NRXN3: variants seen among roughly 807,000 people sequenced by gnomAD.
The protein encoded by NRXN3 is neurexin III.
Under a neutral mutation model 137.6 loss-of-function variants are expected in NRXN3, and 32 were observed. The ratio of observed to expected loss-of-function variants is 0.23; its 90% CI spans 0.18 to 0.31. The LOEUF (loss-of-function observed/expected upper bound fraction) is 0.31. Among genes scored for constraint, NRXN3 ranks in the 10% least tolerant of loss-of-function variants. NRXN3 has a pLI of 1.00. For synonymous variants in NRXN3, 798 were observed against 784.5 expected (o/e 1.02, Z -0.29); for missense variants, 1,574 against 2,062.5 (o/e 0.76, Z 4.59).
chr14:79,767,897 G>A lies in NRXN3; in HGVS notation c.4015-37215G>A, dbSNP rs138479046. Among the ~76,000 whole-genome samples, 292 of 152,274 alleles carry A rather than the reference G, an allele frequency of 1.9e-3. 2 individuals are homozygous for A. Among genetic ancestry groups the A allele is most frequent in the African/African-American group, 6.6e-3 (276 of 41,562 alleles). ...CACTAGGGAGTGCAAGACAGTGGGC[G>A]CAGGTCACTGGGTGCATGCACCGTG... On this transcript the variant is annotated intron_variant, in intron 19 of 20. Coordinates refer to ENST00000335750, the MANE Select transcript of NRXN3 (RefSeq NM_001330195.2).
chr14:78,770,443 A>G (rs2098723466), intron 8 of NRXN3, among the ~76,000 whole-genome samples: 1 of 152,178 alleles, frequency 6.6e-6, no homozygotes, highest in African/African-American at 2.4e-5. Flanking sequence ...AATGGTGTCC[A>G]CTGGAGGGAA....
chr14:79,360,733 T>G (rs750991134), intron 15 of NRXN3, among the ~76,000 whole-genome samples: 6 of 152,182 alleles, frequency 3.9e-5, no homozygotes, highest in Non-Finnish European at 8.8e-5. Flanking sequence ...TAGGTAAACA[T>G]AGGAGGCAAG....
At chr14:78,724,956 T>G (rs1053064409) in intron 8 of NRXN3, among the ~76,000 whole-genome samples, 2 of 152,210 alleles carry the variant, frequency 1.3e-5, no homozygotes, top group Non-Finnish European at 2.9e-5. Context: ...TGTGGGCTAC[T>G]GGACAGCTAT....
chr14:78,740,082 T>G (rs2098557751), intron 8 of NRXN3, among the ~76,000 whole-genome samples: 1 of 152,168 alleles, frequency 6.6e-6, no homozygotes, highest in African/African-American at 2.4e-5. Context: ...TATGCCAATA[T>G]TAATAATTTT....
intron 15 of NRXN3, among the ~76,000 whole-genome samples, chr14:79,086,913 G>A (rs887279462): frequency 7.2e-5 from 11 of 152,172 alleles, no homozygotes; most frequent in African/African-American, 2.4e-4. Context: ...ATTGGTAAAA[G>A]AAGCAGTTCT....
chr14:78,372,219 A>G (rs2086969777), intron 4 of NRXN3, among the ~76,000 whole-genome samples: 1 of 151,320 alleles, frequency 6.6e-6, no homozygotes, highest in African/African-American at 2.4e-5. Flanking sequence ...TATAATCATC[A>G]GGCTAATCCC....
chr14:79,215,438 G>A (rs57921797), intron 15 of NRXN3, among the ~76,000 whole-genome samples: 4,635 of 152,162 alleles, frequency 0.03, 238 homozygotes, highest in African/African-American at 0.11. Context: ...TCACACTGCT[G>A]ATACAACTGA....
chr14:79,458,426 G>T (rs1053493118), intron 15 of NRXN3, among the ~76,000 whole-genome samples: 3 of 152,096 alleles, frequency 2.0e-5, no homozygotes, highest in African/African-American at 7.2e-5. Flanking sequence ...ATGAATTAAT[G>T]AACATTGTAT....
At chr14:79,362,143 AT>A (rs1448520222) in intron 15 of NRXN3, among the ~76,000 whole-genome samples, 2 of 150,542 alleles carry the variant, frequency 1.3e-5, no homozygotes, top group Non-Finnish European at 3.0e-5. Context: ...ATTTTATTTT[AT>A]TTTATTTATT....
chr14:79,259,199 C>T (rs2153400847), intron 15 of NRXN3, among the ~76,000 whole-genome samples: 1 of 152,286 alleles, frequency 6.6e-6, no homozygotes, highest in African/African-American at 2.4e-5. Context: ...CTTGGTAGGG[C>T]AAGGAAGGTT....
intron 4 of NRXN3, among the ~76,000 whole-genome samples, chr14:78,449,901 T>C (rs1325125690): frequency 6.6e-6 from 1 of 152,214 alleles, no homozygotes; most frequent in Non-Finnish European, 1.5e-5. Context: ...CAATTCAGTG[T>C]TCTTTGTATC....
chr14:79,619,066 T>A (rs1180361835), intron 16 of NRXN3, among the ~76,000 whole-genome samples: 2 of 152,140 alleles, frequency 1.3e-5, no homozygotes, highest in Non-Finnish European at 2.9e-5. Flanking sequence ...GATTTTTGTG[T>A]TGAATTGTTT....
chr14:78,681,938 G>T (rs929656494), intron 6 of NRXN3, among the ~76,000 whole-genome samples: 1 of 152,040 alleles, frequency 6.6e-6, no homozygotes, highest in Non-Finnish European at 1.5e-5. Context: ...CACAACCTCG[G>T]CCCACTGCAA....
rs1392345412 is a variant in NRXN3, at chr14:78,203,622, C to A, written c.-704+32948C>A. ...AACCTCAGTTAGTGTTGCTTTATTT[C>A]CTTCACCAATCTGATAAGGTTTTCC... On this transcript the variant is annotated intron_variant, in intron 1 of 20. Coordinates refer to ENST00000335750, the MANE Select transcript of NRXN3 (RefSeq NM_001330195.2). 2.0e-5 allele frequency among the ~76,000 whole-genome samples: 3 copies of A among 152,292 alleles called. No homozygotes were observed. In the East Asian group the frequency reaches 5.8e-4, roughly 29 times the overall value.
chr14:78,853,526 ATAT>A (rs1424357231), intron 10 of NRXN3, among the ~76,000 whole-genome samples: 1 of 152,188 alleles, frequency 6.6e-6, no homozygotes, highest in Non-Finnish European at 1.5e-5. Flanking sequence ...TTCTTAATAC[ATAT>A]TATAACATTT....
intron 15 of NRXN3, among the ~76,000 whole-genome samples, chr14:79,054,702 G>A (rs1322744441): frequency 6.6e-6 from 1 of 152,112 alleles, no homozygotes; most frequent in African/African-American, 2.4e-5. Context: ...TGGATATAGA[G>A]CCAATGCCAC....
intron 1 of NRXN3, among the ~76,000 whole-genome samples, chr14:78,182,527 T>G (rs1392508280): frequency 6.6e-6 from 1 of 152,226 alleles, no homozygotes; most frequent in Non-Finnish European, 1.5e-5. Flanking sequence ...TGGAATGCAA[T>G]GGCGCGATCT....
At chr14:79,009,067 G>A (rs1423005236) in intron 15 of NRXN3, among the ~76,000 whole-genome samples, 5 of 152,074 alleles carry the variant, frequency 3.3e-5, no homozygotes, top group Admixed American at 2.0e-4. Context: ...CAGGTCTCCC[G>A]TGTTTCCTCA....
At chr14:78,686,086 T>C (rs1450543641) in intron 6 of NRXN3, among the ~76,000 whole-genome samples, 1 of 152,200 alleles carries the variant, frequency 6.6e-6, no homozygotes, top group Non-Finnish European at 1.5e-5. Context: ...ACTTCTTTAT[T>C]TGCCCCATCC....
Sources: gnomAD v4.1 joint callset for allele counts (sites outside exome capture counted in the v4.1 genomes callset) on GRCh38, gnomAD v4.1.1 for gene constraint, MANE v1.5 for transcripts, NCBI Gene and HGNC (gene_info 2026-07-23, HGNC 2026-07-21) for gene names.